The following SLC4A10 variants were observed in gnomAD, a reference collection of about 807,000 sequenced individuals.
SLC4A10 encodes the protein sodium-driven chloride bicarbonate exchanger.
SLC4A10 carries 42 observed loss-of-function variants against 137.7 expected under a neutral mutation model. The ratio of observed to expected loss-of-function variants is 0.30; its 90% confidence interval spans 0.24 to 0.39. The LOEUF (loss-of-function observed/expected upper bound fraction) is 0.39, where lower values mean the gene tolerates loss of function less well. SLC4A10 is among the 10% of genes least tolerant of loss of function. SLC4A10 has a pLI of 1.00. For missense variants in SLC4A10, 925 were observed against 1,355.0 expected, an observed-to-expected ratio of 0.68 and a Z score of 4.98; for synonymous variants, 474 against 464.1, an observed-to-expected ratio of 1.02 and a Z score of -0.27.
intron 15 of SLC4A10, among the ~76,000 whole-genome samples, chr2:161,924,508 A>G (rs763297459): frequency 1.3e-5 from 2 of 152,174 alleles, no homozygotes; most frequent in East Asian, 1.9e-4. Flanking sequence ...ATAAATACAA[A>G]TAAATCTTTA....
At chr2:161,974,599 C>T (rs1475044620) in intron 24 of SLC4A10, among the ~76,000 whole-genome samples, 1 of 152,102 alleles carries the variant, frequency 6.6e-6, no homozygotes, top group Non-Finnish European at 1.5e-5. Flanking sequence ...TTCATATTCT[C>T]AGAAAGTAGC....
chr2:161,697,203 T>C (rs1374251785), intron 1 of SLC4A10, among the ~76,000 whole-genome samples: 2 of 152,206 alleles, frequency 1.3e-5, no homozygotes, highest in Non-Finnish European at 2.9e-5. Flanking sequence ...ATTCTGGATA[T>C]TAGCCTTTTG....
intron 9 of SLC4A10, among the ~76,000 whole-genome samples, chr2:161,881,868 A>T (rs978593408): frequency 5.3e-5 from 8 of 151,990 alleles, no homozygotes; most frequent in African/African-American, 1.9e-4. Context: ...ATTCCTGACA[A>T]TAATTTTTTA....
intron 5 of SLC4A10, among the ~76,000 whole-genome samples, chr2:161,862,406 A>G (rs2060482355): frequency 6.6e-6 from 1 of 152,222 alleles, no homozygotes; most frequent in South Asian, 2.1e-4. Flanking sequence ...AGTCTGTACT[A>G]GAAAATGGGA....
intron 10 of SLC4A10, among the ~76,000 whole-genome samples, chr2:161,890,179 G>T (rs1191321972): frequency 6.6e-6 from 1 of 152,034 alleles, no homozygotes; most frequent in Admixed American, 6.6e-5. Context: ...GTGTTCTTTT[G>T]CATTTGCTGA....
intron 1 of SLC4A10, among the ~76,000 whole-genome samples, chr2:161,682,928 T>A: frequency 6.6e-6 from 1 of 152,102 alleles, no homozygotes; most frequent in East Asian, 1.9e-4. Context: ...ATAATGAATT[T>A]GTAATATATA....
intron 15 of SLC4A10, among the ~76,000 whole-genome samples, chr2:161,930,066 A>C (rs1169387092): frequency 6.6e-6 from 1 of 152,188 alleles, no homozygotes; most frequent in Non-Finnish European, 1.5e-5. Context: ...ATAAATATAC[A>C]TACCTTTTAG....
At chr2:161,630,125 C>A (rs1164333223) in intron 1 of SLC4A10, among the ~76,000 whole-genome samples, 1 of 151,810 alleles carries the variant, frequency 6.6e-6, no homozygotes. Context: ...TTAGTAGTGG[C>A]TGTACTACAT....
At chr2:161,912,918 A>G (rs772110591) in intron 15 of SLC4A10, among the ~76,000 whole-genome samples, 1 of 15,130 alleles carries the variant, frequency 6.6e-5, no homozygotes, top group African/African-American at 2.4e-4. Flanking sequence ...AACTGATCCT[A>G]TGTCCAGCTA....
At chr2:161,821,332 A>G (rs1442521164) in intron 3 of SLC4A10, among the ~76,000 whole-genome samples, 1 of 152,134 alleles carries the variant, frequency 6.6e-6, no homozygotes, top group Admixed American at 6.5e-5. Flanking sequence ...TTTCCATTAT[A>G]TGTTTTAGTA....
intron 1 of SLC4A10, among the ~76,000 whole-genome samples, chr2:161,732,412 G>C (rs1330785790): frequency 1.3e-5 from 2 of 152,134 alleles, no homozygotes. Flanking sequence ...AAGAGACAAA[G>C]ACCAACTATA....
chr2:161,872,247 A>G (rs1219199246), intron 6 of SLC4A10, 46 bp from the exon 7 acceptor site: 1 of 1,476,094 alleles, frequency 6.8e-7, no homozygotes, highest in African/African-American at 1.4e-5. Flanking sequence ...TATGTCTACA[A>G]CTATGTAAGT....
At chr2:161,826,871 C>G (rs2058050803) in intron 3 of SLC4A10, among the ~76,000 whole-genome samples, 1 of 152,138 alleles carries the variant, frequency 6.6e-6, no homozygotes, top group Non-Finnish European at 1.5e-5. Context: ...GATCTTCTTT[C>G]TCTTAACACA....
In SLC4A10 at chr2:161,879,155, A is replaced by C; in HGVS notation, c.973A>C (p.Ile325Leu). The change falls in exon 9 of 27, where the codon ATT (isoleucine) becomes CTT (leucine). Residue 325 changes from isoleucine to leucine, a missense_variant. Physicochemically the swap from Ile to Leu is conservative, Grantham distance 5. This residue lies in a region of SLC4A10 where 277 missense variants were observed against 306.1 expected (regional missense o/e 0.90). Coordinates refer to ENST00000446997, the MANE Select transcript of SLC4A10 (RefSeq NM_001178015.2). ...REVDLHFMKK[I>L]PPGAEASNIL... The stretch of plus-strand genomic sequence containing the variant: ...GGTTGATCTGCATTTTATGAAAAAG[A>C]TTCCTCCAGGTGCTGAAGCATCGAA... The C allele has an allele frequency of 6.2e-7, 1 of 1,613,186 alleles. No homozygotes were observed. The highest frequency in any genetic ancestry group is 1.1e-5 in the South Asian group (1 of 90,994).
intron 21 of SLC4A10, among the ~76,000 whole-genome samples, chr2:161,963,925 T>G (rs945720169): frequency 2.0e-5 from 3 of 152,192 alleles, no homozygotes; most frequent in Admixed American, 6.5e-5. Context: ...CGTCTCCATA[T>G]TCAAGAAAAT....
intron 1 of SLC4A10, among the ~76,000 whole-genome samples, chr2:161,669,170 C>T (rs1016923913): frequency 7.9e-5 from 12 of 151,862 alleles, no homozygotes; most frequent in African/African-American, 2.7e-4. Context: ...ATTTTTAGCC[C>T]ACTAGTTTGA....
At chr2:161,728,502 G>A in intron 1 of SLC4A10, among the ~76,000 whole-genome samples, 1 of 152,026 alleles carries the variant, frequency 6.6e-6, no homozygotes, top group African/African-American at 2.4e-5. Context: ...TCAAACCCGG[G>A]AAATGGAGGT....
intron 1 of SLC4A10, among the ~76,000 whole-genome samples, chr2:161,752,396 G>C (rs991451695): frequency 4.6e-5 from 7 of 152,008 alleles, no homozygotes; most frequent in African/African-American, 1.7e-4. Flanking sequence ...TTAAGGTGAT[G>C]AATGGTAGTT....
chr2:161,728,285 T>C (rs186347338), intron 1 of SLC4A10, among the ~76,000 whole-genome samples: 5 of 152,314 alleles, frequency 3.3e-5, no homozygotes, highest in Admixed American at 2.6e-4. Flanking sequence ...ATAAAAATAT[T>C]CAGGCCAACA....
Sources: gnomAD v4.1 joint callset for allele counts (sites outside exome capture counted in the v4.1 genomes callset) on GRCh38, gnomAD v4.1.1 for gene constraint, gnomAD v4.1.1 regional missense constraint, MANE v1.5 for transcripts, NCBI Gene and HGNC (gene_info 2026-07-23, HGNC 2026-07-21) for gene names.